Variants in NDRG1 observed in about 807,000 individuals in gnomAD.
The protein encoded by NDRG1 is N-myc downstream regulated 1, also known as protein NDRG1.
Under a neutral mutation model 56.9 loss-of-function variants are expected in NDRG1, and 32 were observed. The ratio of observed to expected loss-of-function variants is 0.56; its 90% CI spans 0.42 to 0.76. The LOEUF is 0.76. Ranked by LOEUF, NDRG1 falls within the 30% of genes least tolerant of loss-of-function variation. The pLI is 0.00. For missense variants in NDRG1, 507 were observed against 545.7 expected (o/e 0.93, Z 0.71); for synonymous variants, 211 against 204.1 (o/e 1.03, Z -0.29).
intron 6 of NDRG1, among the ~76,000 whole-genome samples, chr8:133,258,791 AGC>A (rs1400057022): frequency 6.6e-6 from 1 of 152,244 alleles, no homozygotes; most frequent in African/African-American, 2.4e-5. Flanking sequence ...TTCTTTGAAG[AGC>A]TCAAGACAGA....
rs760837390 is a variant in NDRG1 at position 133,256,760 on chromosome 8, A to G, written c.537+17T>C. The G allele has an allele frequency of 2.5e-5, 40 of 1,613,470 alleles. No individual in the cohort carries two copies. Among genetic ancestry groups the G allele is most frequent in the Non-Finnish European group, 3.1e-5 (37 of 1,179,704 alleles). On this transcript the variant is annotated intron_variant, in intron 8 of 15. Transcript: ENST00000323851. ...TTCTTGCAGGGATCCCGCCGGCCTG[A>G]CAGGCCCCCACCTCACCTTGGAGGC...
intron 3 of NDRG1, among the ~76,000 whole-genome samples, chr8:133,271,008 C>T (rs555556174): frequency 1.3e-5 from 2 of 152,298 alleles, no homozygotes; most frequent in South Asian, 4.1e-4. Flanking sequence ...TGGACAACCG[C>T]TCCAGAGATG....
At chr8:133,261,315 G>A (rs759267588) in intron 5 of NDRG1, among the ~76,000 whole-genome samples, 17 of 151,940 alleles carry the variant, frequency 1.1e-4, no homozygotes, top group South Asian at 4.2e-4. Context: ...CACGTTGGCC[G>A]GAGACAGGGT....
chr8:133,257,507 A>G (rs62514046), intron 7 of NDRG1, among the ~76,000 whole-genome samples: 18,165 of 152,238 alleles, frequency 0.12, 1,264 homozygotes, highest in South Asian at 0.19. Context: ...AAACCTGTAC[A>G]GCATATGACG....
At position 133,248,774 on chromosome 8, in the gene NDRG1, G is replaced by A. The variant is rs931942837; in HGVS notation, c.699-3C>T. The stretch of plus-strand genomic sequence containing the variant: ...GCTCAATCTCCAGGTCGCGCCGGCT[G>A]CAGGAAACAAATGCATCATTAGCAT... On this transcript the variant is annotated splice_polypyrimidine_tract_variant and splice_region_variant and intron_variant, in intron 10 of 15. Transcript: ENST00000323851. 1.9e-5 allele frequency: 30 copies of A among 1,614,154 alleles called. No homozygotes were observed. Among genetic ancestry groups the A allele is most frequent in the Admixed American group, 3.3e-5 (2 of 60,028 alleles).
intron 15 of NDRG1, 64 bp from the exon 16 acceptor site, chr8:133,239,183 C>G (rs1470576605): frequency 4.5e-6 from 7 of 1,545,928 alleles, no homozygotes; most frequent in Non-Finnish European, 6.1e-6. Context: ...CCAGGCATGC[C>G]CGTCCACCAG....
chr8:133,283,472 T>TCAGC (rs1251244903), intron 2 of NDRG1, among the ~76,000 whole-genome samples: 1 of 151,110 alleles, frequency 6.6e-6, no homozygotes, highest in Non-Finnish European at 1.5e-5. Flanking sequence ...TTCAGAACAA[T>TCAGC]CAGCCCAGGC....
intron 8 of NDRG1, chr8:133,255,586 G>A: frequency 2.9e-6 from 1 of 340,138 alleles, no homozygotes; most frequent in Non-Finnish European, 5.8e-6. Context: ...TCCTTTGCTG[G>A]AAAATCAAAT....
rs1856825254 is a variant in NDRG1 at position 133,264,633 on chromosome 8, A to G, written c.119T>C (p.Leu40Ser). The G allele has an allele frequency of 1.2e-6, 2 of 1,614,086 alleles. No individual in the cohort carries two copies. The highest frequency in any genetic ancestry group is 1.3e-5 in the African/African-American group (1 of 74,930). The change falls in exon 4 of 16, where the codon TTA (leucine) becomes TCA (serine). Residue 40 changes from leucine to serine, a missense_variant. Coordinates refer to ENST00000323851, the MANE Select transcript of NDRG1 (RefSeq NM_006096.4). ...CAGCGTGACGTGAACAGAGCCATGT[A>G]AAGTCTCGATGTCCTGCTCCTGAGG... ...FDVQEQDIET[L>S]HGSVHVTLCG... is the part of the protein sequence containing the mutation.
At chr8:133,295,128 G>A (rs1178771019) in intron 1 of NDRG1, among the ~76,000 whole-genome samples, 3 of 152,142 alleles carry the variant, frequency 2.0e-5, no homozygotes, top group African/African-American at 7.2e-5. Context: ...GACACTCCAG[G>A]ATCCCTCAAA....
chr8:133,242,132 G>A, intron 14 of NDRG1, 58 bp from the exon 15 acceptor site: 1 of 1,570,936 alleles, frequency 6.4e-7, no homozygotes. Context: ...ATCACCCGAG[G>A]CCATGGGGGG....
intron 4 of NDRG1, 193 bp from the exon 5 acceptor site, chr8:133,262,360 G>T: frequency 1.5e-6 from 1 of 648,936 alleles, no homozygotes; most frequent in Non-Finnish European, 2.6e-6. Flanking sequence ...CTGATAAAAA[G>T]CAAGAGTAAG....
chr8:133,284,406 G>A, intron 1 of NDRG1, 77 bp from the exon 2 acceptor site: 1 of 1,343,286 alleles, frequency 7.4e-7, no homozygotes, highest in Non-Finnish European at 1.1e-6. Context: ...CAAGACCAAT[G>A]GCAAGAAGGC....
At chr8:133,250,208 C>T (rs1322391499) in intron 10 of NDRG1, among the ~76,000 whole-genome samples, 6 of 152,150 alleles carry the variant, frequency 3.9e-5, no homozygotes, top group Admixed American at 6.5e-5. Context: ...GTCTGCACCC[C>T]CAGTGGTCTG....
intron 13 of NDRG1, among the ~76,000 whole-genome samples, chr8:133,245,134 C>T (rs1430759206): frequency 1.3e-5 from 2 of 152,308 alleles, no homozygotes; most frequent in Admixed American, 1.3e-4. Flanking sequence ...GGGCAGCCCT[C>T]AGCTCAACCA....
At chr8:133,262,707 C>A (rs1856719809) in intron 4 of NDRG1, among the ~76,000 whole-genome samples, 1 of 152,218 alleles carries the variant, frequency 6.6e-6, no homozygotes, top group East Asian at 1.9e-4. Context: ...TCCTCCTGGG[C>A]ACTCAGCTAG....
At chr8:133,273,791 T>G (rs1857315975) in intron 3 of NDRG1, among the ~76,000 whole-genome samples, 1 of 152,278 alleles carries the variant, frequency 6.6e-6, no homozygotes, top group Non-Finnish European at 1.5e-5. Flanking sequence ...TCATTCTTCC[T>G]CCTCTTCCCT....
chr8:133,263,148 TGA>T (rs1363908159), intron 4 of NDRG1, among the ~76,000 whole-genome samples: 1 of 152,030 alleles, frequency 6.6e-6, no homozygotes, highest in Non-Finnish European at 1.5e-5. Context: ...GTCAATAAAA[TGA>T]GATAGTGTAA....
rs953687845 is a variant in NDRG1 at position 133,238,145 on chromosome 8, G to A, written c.*733C>T. On this transcript the variant is annotated 3_prime_UTR_variant, in exon 16 of 16. Coordinates refer to ENST00000323851, the MANE Select transcript of NDRG1 (RefSeq NM_006096.4). The stretch of plus-strand genomic sequence containing the variant: ...GCCTTCAAAAACCATGATGCCCAAC[G>A]TTTGCTGAAATATTTTTGTCTGTAA... The A allele has an allele frequency of 3.0e-5, 7 of 232,980 alleles. No homozygotes were observed. The highest frequency in any genetic ancestry group is 1.3e-4 in the African/African-American group (6 of 45,330). 14.4% of individuals were successfully genotyped at this position (232,980 alleles called of 1,614,324 possible).
Sources: gnomAD v4.1 joint callset for allele counts (sites outside exome capture counted in the v4.1 genomes callset) on GRCh38, gnomAD v4.1.1 for gene constraint, MANE v1.5 for transcripts, NCBI Gene and HGNC (gene_info 2026-07-23, HGNC 2026-07-21) for gene names.